CATSPERD: variants seen among roughly 807,000 people sequenced by gnomAD.
CATSPERD encodes the protein catsper channel auxiliary subunit delta, also known as cation channel sperm-associated auxiliary subunit delta.
CATSPERD carries 86 observed loss-of-function variants against 98.1 expected under a neutral mutation model. The observed-to-expected ratio is 0.88, with a 90% CI of 0.74 to 1.05. The LOEUF (loss-of-function observed/expected upper bound fraction) is 1.05. Ranked by LOEUF, CATSPERD falls within the 50% of genes least tolerant of loss-of-function variation. The pLI is 0.00. For missense variants in CATSPERD, 995 were observed against 1,005.7 expected (o/e 0.99, Z 0.14); for synonymous variants, 394 against 390.2 (o/e 1.01, Z -0.12).
chr19:5,723,594 A>T (rs986126600), intron 1 of CATSPERD, among the ~76,000 whole-genome samples: 1 of 150,192 alleles, frequency 6.7e-6, no homozygotes, highest in Non-Finnish European at 1.5e-5. Flanking sequence ...CCTCCCGAGT[A>T]GCTGGGACTA....
Position 5,751,757 on chromosome 19 carries a change from C to T in CATSPERD, c.1098C>T (p.Phe366=), listed in dbSNP as rs1255076641. 6.2e-7 allele frequency: 1 copy of T among 1,613,772 alleles called. No homozygotes were observed. Among genetic ancestry groups the T allele is most frequent in the East Asian group, 2.2e-5 (1 of 44,870 alleles). Residue 366 remains phenylalanine (F), a synonymous_variant, in exon 12 of 22, where the codon TTC becomes TTT. Transcript: ENST00000381624. ...LRDTAFPAFD[F]QKCLVNIQAL... is the part of the protein sequence containing the mutation. ...ACACAGCCTTTCCAGCTTTTGATTT[C>T]CAGAAGTGCCTCGTGAATATCCAGG...
chr19:5,741,194 A>G (rs2055957040), intron 7 of CATSPERD, among the ~76,000 whole-genome samples: 2 of 152,158 alleles, frequency 1.3e-5, no homozygotes. Flanking sequence ...GTTCATCATC[A>G]TGCTCACTTT....
intron 17 of CATSPERD, among the ~76,000 whole-genome samples, chr19:5,767,566 C>A (rs2056564657): frequency 6.6e-6 from 1 of 151,170 alleles, no homozygotes; most frequent in South Asian, 2.1e-4. Context: ...CGGCTCACTA[C>A]AAGCTCCGCC....
chr19:5,776,067 C>T (rs569942129), intron 20 of CATSPERD, 94 bp from the exon 21 acceptor site: 38 of 1,381,486 alleles, frequency 2.8e-5, no homozygotes, highest in Middle Eastern at 2.4e-4. Context: ...CTAATGAGGA[C>T]TGGGGTGGGT....
rs752988501 is a variant in CATSPERD at position 5,751,739 on chromosome 19, C to G, written c.1080C>G (p.Ala360=). Residue 360 remains alanine (A), a synonymous_variant, in exon 12 of 22, where the codon GCC becomes GCG. Transcript: ENST00000381624. ...LEILTPLRDT[A]FPAFDFQKCL... ...TACTGACCCCACTGCGTGACACAGC[C>G]TTTCCAGCTTTTGATTTCCAGAAGT... is the stretch of plus-strand genomic sequence containing the variant. The G allele has an allele frequency of 1.9e-6, 3 of 1,613,902 alleles. No homozygotes were observed. The highest frequency in any genetic ancestry group is 2.5e-6 in the Non-Finnish European group (3 of 1,179,974).
intron 11 of CATSPERD, among the ~76,000 whole-genome samples, chr19:5,749,393 G>A (rs2056160760): frequency 6.6e-6 from 1 of 152,106 alleles, no homozygotes; most frequent in African/African-American, 2.4e-5. Flanking sequence ...ACGGGAGGCT[G>A]AGGCAGGAGA....
In CATSPERD at chr19:5,743,659, TCTCTCTTC is replaced by T. The variant is rs1471762489; in HGVS notation, c.574-761_574-754del. Among the ~76,000 whole-genome samples the T allele has an allele frequency of 2.7e-4, 38 of 142,898 alleles. No homozygotes were observed. In the Admixed American group the frequency reaches 2.8e-3, roughly 10 times the overall value. The allele number at this position is 142,898 out of a possible 152,430, so 93.7% of individuals were successfully genotyped here. ...GTCTCTCTGTCTCTGTCTCTCTCTCTCTCTCTTCCTCTCTCTCTCTCTTCCTCTCTCTC... is the reference window on the plus strand; with the variant it reads ...GTCTCTCTGTCTCTGTCTCTCTCTCTCTCTCTCTCTCTCTTCCTCTCTCTC... On this transcript the variant is annotated intron_variant, in intron 7 of 21. Transcript: ENST00000381624.
chr19:5,736,294 A>T (rs2055843990), intron 5 of CATSPERD, among the ~76,000 whole-genome samples: 2 of 152,148 alleles, frequency 1.3e-5, no homozygotes, highest in Non-Finnish European at 2.9e-5. Context: ...GGAAGGTGCT[A>T]CTGGCATTGA....
At chr19:5,744,318 TA>T in intron 7 of CATSPERD, 108 bp from the exon 8 acceptor site, 2 of 984,386 alleles carry the variant, frequency 2.0e-6, no homozygotes, top group Non-Finnish European at 3.1e-6. Context: ...TTTGTTTTTC[TA>T]AAAAAGACTT....
At chr19:5,744,006 G>A (rs2056047888) in intron 7 of CATSPERD, among the ~76,000 whole-genome samples, 1 of 152,014 alleles carries the variant, frequency 6.6e-6, no homozygotes, top group Admixed American at 6.6e-5. Flanking sequence ...TTGAGACAAG[G>A]TCTCACTCTG....
At chr19:5,762,058 A>ATATATATATT in intron 15 of CATSPERD, among the ~76,000 whole-genome samples, 9 of 10,436 alleles carry the variant, frequency 8.6e-4, no homozygotes, top group East Asian at 2.9e-3. Flanking sequence ...ATATATATAT[A>ATATATATATT]TTTTTTTTTT....
At chr19:5,776,439 C>G (rs2144705626) in intron 21 of CATSPERD, 124 bp downstream of exon 21, 1 of 1,047,856 alleles carries the variant, frequency 9.5e-7, no homozygotes, top group South Asian at 1.6e-5. Flanking sequence ...AGGCCGTCCC[C>G]AGGACAAGTG....
At chr19:5,765,465 C>A (rs1217038951) in intron 16 of CATSPERD, among the ~76,000 whole-genome samples, 1 of 151,652 alleles carries the variant, frequency 6.6e-6, no homozygotes, top group Non-Finnish European at 1.5e-5. Context: ...TACATGCATG[C>A]GTGCATTTTT....
intron 15 of CATSPERD, 57 bp from the exon 16 acceptor site, chr19:5,763,158 G>T: frequency 1.6e-6 from 2 of 1,285,286 alleles, no homozygotes; most frequent in South Asian, 2.4e-5. Context: ...ATGGAATGCA[G>T]CTGTGTCGTT....
intron 11 of CATSPERD, among the ~76,000 whole-genome samples, chr19:5,749,431 G>A (rs1384604875): frequency 6.6e-6 from 1 of 152,100 alleles, no homozygotes; most frequent in African/African-American, 2.4e-5. Context: ...GGCAGAGTAA[G>A]ACTCTGTCTC....
In CATSPERD at chr19:5,746,092, C is replaced by T. The variant is rs1188928488; in HGVS notation, c.808+29C>T. On this transcript the variant is annotated intron_variant, in intron 9 of 21. Transcript: ENST00000381624. ...AGCCCAGGGGCCCAGGGTGGGGCTG[C>T]CGCCTGGTGGCCTCCTCCAGAGGGG... is the stretch of plus-strand genomic sequence containing the variant. 3 of 1,601,604 alleles carry T rather than the reference C, an allele frequency of 1.9e-6. No individual in the cohort carries two copies. In the Admixed American group the frequency reaches 5.2e-5, roughly 28 times the overall value.
At chr19:5,738,456 C>G (rs780511746) in intron 6 of CATSPERD, among the ~76,000 whole-genome samples, 5 of 151,958 alleles carry the variant, frequency 3.3e-5, no homozygotes, top group Non-Finnish European at 5.9e-5. Context: ...GGCTTGAGCC[C>G]AGAAGGCGCA....
intron 4 of CATSPERD, among the ~76,000 whole-genome samples, chr19:5,732,471 C>G (rs970533712): frequency 1.3e-5 from 2 of 151,876 alleles, no homozygotes; most frequent in African/African-American, 2.4e-5. Context: ...CTCACTCTGT[C>G]GCCTAGGCTG....
intron 2 of CATSPERD, among the ~76,000 whole-genome samples, chr19:5,725,221 G>A (rs952382314): frequency 1.3e-5 from 2 of 152,044 alleles, no homozygotes; most frequent in Admixed American, 6.6e-5. Context: ...GCGCAATCTC[G>A]GCTCACCGCA....
Sources: allele counts gnomAD v4.1 joint callset (sites outside exome capture counted in the v4.1 genomes callset), GRCh38; gene constraint gnomAD v4.1.1; transcripts MANE v1.5; gene names NCBI Gene and HGNC (gene_info 2026-07-23, HGNC 2026-07-21).